Variants in SCN2A observed in about 807,000 individuals in gnomAD.
The protein encoded by SCN2A is sodium voltage-gated channel alpha subunit 2, also known as sodium channel protein type 2 subunit alpha.
A neutral mutation model predicts 188.7 loss-of-function variants in SCN2A; 20 were observed. The ratio of observed to expected loss-of-function variants is 0.11; its 90% CI spans 0.07 to 0.15. The LOEUF (loss-of-function observed/expected upper bound fraction) is 0.15. Among genes scored for constraint, SCN2A ranks in the 10% least tolerant of loss-of-function variants. SCN2A has a pLI of 1.00. For missense variants in SCN2A, 1,278 were observed against 2,445.0 expected, an observed-to-expected ratio of 0.52 and a Z score of 10.07; for synonymous variants, 804 against 833.1, an observed-to-expected ratio of 0.97 and a Z score of 0.60.
At chr2:165,318,709 A>G (rs1229316597) in intron 11 of SCN2A, among the ~76,000 whole-genome samples, 4 of 152,214 alleles carry the variant, frequency 2.6e-5, no homozygotes, top group African/African-American at 9.6e-5. Flanking sequence ...GGCAGTTAAA[A>G]TATAAACTCT....
At chr2:165,376,129 T>C (rs1355838077) in intron 22 of SCN2A, among the ~76,000 whole-genome samples, 4 of 151,834 alleles carry the variant, frequency 2.6e-5, no homozygotes, top group Non-Finnish European at 5.9e-5. Flanking sequence ...TTGTACAGCA[T>C]GGTGACTATA....
chr2:165,307,408 A>G (rs1697195052), intron 3 of SCN2A, among the ~76,000 whole-genome samples: 2 of 152,136 alleles, frequency 1.3e-5, no homozygotes, highest in South Asian at 4.1e-4. Context: ...AAAGGACCTT[A>G]TTATAAGACA....
At chr2:165,254,277 A>AT (rs760888103) in intron 1 of SCN2A, among the ~76,000 whole-genome samples, 2 of 151,474 alleles carry the variant, frequency 1.3e-5, no homozygotes, top group Non-Finnish European at 3.0e-5. Flanking sequence ...GTACTGCACC[A>AT]TTTTTTCATT....
intron 17 of SCN2A, among the ~76,000 whole-genome samples, chr2:165,359,035 A>G (rs1477757420): frequency 6.6e-6 from 1 of 152,160 alleles, no homozygotes; most frequent in South Asian, 2.1e-4. Flanking sequence ...CAATAAAACT[A>G]TAAAACAGCA....
intron 25 of SCN2A, among the ~76,000 whole-genome samples, chr2:165,386,328 G>C (rs1558883520): frequency 6.6e-6 from 1 of 152,034 alleles, no homozygotes; most frequent in Non-Finnish European, 1.5e-5. Flanking sequence ...GTCGGGCATG[G>C]TGGCATGTAC....
At chr2:165,376,188 T>C (rs1574719709) in intron 22 of SCN2A, among the ~76,000 whole-genome samples, 3 of 151,878 alleles carry the variant, frequency 2.0e-5, no homozygotes, top group East Asian at 3.9e-4. Context: ...TGAGTAGATA[T>C]GTTTTCTCAT....
At position 165,330,900 on chromosome 2, in the gene SCN2A, A is replaced by G. The variant is rs1481702371; in HGVS notation, c.2150-430A>G. 2.0e-5 allele frequency among the ~76,000 whole-genome samples: 3 copies of G among 152,286 alleles called. No individual in the cohort carries two copies. The East Asian group carries it at 5.8e-4, about 29-fold the overall frequency. Reference sequence around the variant, plus strand: ...TATCTAATTAGAAGATCACCAAAACATATCTAATCCAAGAAACTGACATTC... The same window carrying G: ...TATCTAATTAGAAGATCACCAAAACGTATCTAATCCAAGAAACTGACATTC... On this transcript the variant is annotated intron_variant, in intron 13 of 26. Coordinates refer to ENST00000375437, the MANE Select transcript of SCN2A (RefSeq NM_001040142.2).
At position 165,285,935 on chromosome 2, in the gene SCN2A, G is replaced by A. The variant is rs912461695; in HGVS notation, c.-51-9838G>A. 3.9e-5 allele frequency: 9 copies of A among 228,156 alleles called. No individual in the cohort carries two copies. In the South Asian group the frequency reaches 5.4e-4, roughly 14 times the overall value. 14.1% of individuals were successfully genotyped at this position (228,156 alleles called of 1,614,324 possible). The stretch of plus-strand genomic sequence containing the variant: ...CAATGAATTGATTTGCCAGCAGAAC[G>A]AGGGGCAAAATGACCCTGTATTGCA... On this transcript the variant is annotated intron_variant, in intron 1 of 26. Coordinates refer to ENST00000375437, the MANE Select transcript of SCN2A (RefSeq NM_001040142.2).
At chr2:165,378,339 C>CT in intron 23 of SCN2A, among the ~76,000 whole-genome samples, 1 of 136,660 alleles carries the variant, frequency 7.3e-6, no homozygotes, top group South Asian at 2.4e-4. Flanking sequence ...TTTTTTTTTT[C>CT]TTTTTTCCAC....
At chr2:165,329,656 G>A (rs1423543734) in intron 13 of SCN2A, among the ~76,000 whole-genome samples, 1 of 151,986 alleles carries the variant, frequency 6.6e-6, no homozygotes. Flanking sequence ...CTAAATGACA[G>A]CTGGCATGGA....
At position 165,388,614 on chromosome 2, in the gene SCN2A, G is replaced by T. The variant is rs375524288; in HGVS notation, c.4823-15G>T. 2 of 1,613,560 alleles carry T rather than the reference G, an allele frequency of 1.2e-6. No individual in the cohort carries two copies. Among genetic ancestry groups the T allele is most frequent in the African/African-American group, 1.3e-5 (1 of 74,986 alleles). On this transcript the variant is annotated splice_polypyrimidine_tract_variant and intron_variant, in intron 26 of 26. Transcript: ENST00000375437. ...AAGTATAACAATATTTTTGTTATTT[G>T]TTGATTTTCTACAGGAATGTTTCTG...
chr2:165,320,222 T>TC (rs1352390210), intron 11 of SCN2A: 1 of 152,256 alleles, frequency 6.6e-6, no homozygotes, highest in African/African-American at 2.4e-5. Context: ...CTCCTTTGAC[T>TC]CCATGTCTCA....
intron 23 of SCN2A, 128 bp downstream of exon 23, chr2:165,377,778 G>A: frequency 1.5e-6 from 1 of 658,696 alleles, no homozygotes; most frequent in South Asian, 2.4e-5. Context: ...ATATTATAAG[G>A]ATAAAATATT....
At chr2:165,291,345 GTCGTTCGTTCCTTCCTTCCT>G (rs1359088645) in intron 1 of SCN2A, among the ~76,000 whole-genome samples, 4,120 of 102,622 alleles carry the variant, frequency 0.04, 161 homozygotes, top group Non-Finnish European at 0.055. Context: ...GGACTTGTCT[GTCGTTCGTTCCTTCCTTCCT>G]TCCTTCCTTC....
At chr2:165,333,685 A>G (rs530613108) in intron 14 of SCN2A, among the ~76,000 whole-genome samples, 74 of 151,940 alleles carry the variant, frequency 4.9e-4, no homozygotes, top group Non-Finnish European at 8.3e-4. Context: ...AAATGTCTAT[A>G]GTAAAATAGG....
intron 17 of SCN2A, among the ~76,000 whole-genome samples, chr2:165,360,732 A>G (rs1411358012): frequency 6.6e-6 from 1 of 151,988 alleles, no homozygotes; most frequent in African/African-American, 2.4e-5. Context: ...CTGATAAATA[A>G]GTACAGGTAA....
intron 8 of SCN2A, 122 bp downstream of exon 8, chr2:165,312,210 AC>A: frequency 4.0e-6 from 3 of 741,230 alleles, no homozygotes; most frequent in South Asian, 1.5e-5. Flanking sequence ...ATTCTACTTC[AC>A]GGTGACTCTC....
At chr2:165,271,879 T>C (rs1007602748) in intron 1 of SCN2A, 3 of 152,064 alleles carry the variant, frequency 2.0e-5, no homozygotes, top group Non-Finnish European at 4.4e-5. Context: ...AACCATTTTG[T>C]TGCATATGTA....
intron 11 of SCN2A, among the ~76,000 whole-genome samples, chr2:165,319,498 T>C (rs541719387): frequency 4.5e-4 from 68 of 152,324 alleles, no homozygotes; most frequent in South Asian, 2.3e-3. Context: ...AGCATACTTA[T>C]TGGTCAGTGT....
Sources: gnomAD v4.1 joint callset for allele counts (sites outside exome capture counted in the v4.1 genomes callset) on GRCh38, gnomAD v4.1.1 for gene constraint, MANE v1.5 for transcripts, NCBI Gene and HGNC (gene_info 2026-07-23, HGNC 2026-07-21) for gene names.